Variants in EPHA7 observed in about 807,000 individuals in gnomAD.
The protein encoded by EPHA7 is EPH receptor A7.
EPHA7 carries 25 observed loss-of-function variants against 112.6 expected under a neutral mutation model. The ratio of observed to expected loss-of-function variants is 0.22; its 90% CI spans 0.16 to 0.31. The LOEUF is 0.31. Ranked by LOEUF, EPHA7 falls within the 10% of genes least tolerant of loss-of-function variation. The pLI is 1.00. For missense variants in EPHA7, 962 were observed against 1,212.6 expected (o/e 0.79, Z 3.07); for synonymous variants, 437 against 406.5 (o/e 1.07, Z -0.90).
At chr6:93,337,915 C>T (rs760359986) in intron 5 of EPHA7, among the ~76,000 whole-genome samples, 9 of 151,676 alleles carry the variant, frequency 5.9e-5, no homozygotes, top group Non-Finnish European at 1.3e-4. Flanking sequence ...TCCTTACCAC[C>T]AAAACAAACA....
In EPHA7 at chr6:93,273,588, C is replaced by T. The variant is rs1190065413; in HGVS notation, c.1325-1166G>A. On this transcript the variant is annotated intron_variant, in intron 5 of 16. Coordinates refer to ENST00000369303, the MANE Select transcript of EPHA7 (RefSeq NM_004440.4). Reference sequence around the variant, plus strand: ...AAGGAAGGACATGGAAGATACATGACTCTCATTTCCTCCCAGATTACTAAC... The same window carrying T: ...AAGGAAGGACATGGAAGATACATGATTCTCATTTCCTCCCAGATTACTAAC... Among the ~76,000 whole-genome samples, 7 of 151,916 alleles carry T rather than the reference C, an allele frequency of 4.6e-5. No individual in the cohort carries two copies. The East Asian group carries it at 1.4e-3, about 29-fold the overall frequency.
chr6:93,335,689 A>C (rs979888871), intron 5 of EPHA7, among the ~76,000 whole-genome samples: 37 of 151,932 alleles, frequency 2.4e-4, no homozygotes, highest in African/African-American at 7.3e-4. Flanking sequence ...ATTCCTATCT[A>C]TCTATAACAA....
chr6:93,333,162 T>G (rs1402759310), intron 5 of EPHA7, among the ~76,000 whole-genome samples: 1 of 151,804 alleles, frequency 6.6e-6, no homozygotes, highest in East Asian at 1.9e-4. Context: ...TGCATTAATT[T>G]GTTTAGGATT....
rs1219596340 is a variant in EPHA7 at position 93,243,473 on chromosome 6, T to C, written c.2950A>G (p.Met984Val). 10 of 1,613,576 alleles carry C rather than the reference T, an allele frequency of 6.2e-6. No individual in the cohort carries two copies. The highest frequency in any genetic ancestry group is 1.7e-4 in the Middle Eastern group (1 of 6,058). Residue 984 changes from methionine (M) to valine (V), a missense_variant, in exon 17 of 17, where the codon ATG becomes GTG. Met to Val is a conservative substitution (Grantham distance 21). Around this residue, in one of 3 missense-constraint regions of EPHA7, gnomAD observed 746 missense variants for 889.2 expected, o/e 0.84. Transcript: ENST00000369303. ...TGTAAATGTAGCATTTGTGCTCTCA[T>C]AGTCTGAATGCTGCTCATGATTTTC... is the stretch of plus-strand genomic sequence containing the variant. ...QKKIMSSIQT[M>V]RAQMLHLHGT... is the part of the protein sequence containing the mutation.
intron 5 of EPHA7, among the ~76,000 whole-genome samples, chr6:93,317,650 CT>C (rs1422512813): frequency 2.6e-5 from 4 of 152,138 alleles, no homozygotes; most frequent in African/African-American, 7.2e-5. Context: ...CAGATATTAA[CT>C]GCTTGAGCAG....
chr6:93,408,815 G>A (rs574992947), intron 3 of EPHA7, among the ~76,000 whole-genome samples: 3 of 152,146 alleles, frequency 2.0e-5, no homozygotes, highest in Admixed American at 1.3e-4. Context: ...CACAATGTGA[G>A]CCACAAATGC....
intron 3 of EPHA7, among the ~76,000 whole-genome samples, chr6:93,371,151 G>A (rs1158193869): frequency 6.6e-6 from 1 of 150,852 alleles, no homozygotes; most frequent in Admixed American, 6.6e-5. Context: ...GCGACAGAGT[G>A]AGACTCTGTC....
intron 5 of EPHA7, among the ~76,000 whole-genome samples, chr6:93,351,116 T>C (rs1049566644): frequency 6.6e-6 from 1 of 152,034 alleles, no homozygotes; most frequent in Non-Finnish European, 1.5e-5. Context: ...CAGGCCTCAG[T>C]TCCCTGCCTC....
At position 93,272,337 on chromosome 6, in the gene EPHA7, A is replaced by G. The variant is rs1288424226; in HGVS notation, c.1410T>C (p.Asn470=). The G allele has an allele frequency of 1.4e-5, 22 of 1,612,052 alleles. No individual in the cohort carries two copies. The highest frequency in any genetic ancestry group is 1.6e-4 in the Middle Eastern group (1 of 6,064). The change falls in exon 6 of 17, where the codon AAT becomes AAC. Residue 470 remains asparagine (N), a synonymous_variant. Coordinates refer to ENST00000369303, the MANE Select transcript of EPHA7 (RefSeq NM_004440.4). ...ELSWQEPEHP[N]GVITEYEIKY... ...TGATTTCATATTCTGTGATGACTCC[A>G]TTGGGATGCTCTGGTTCCTGCCAGG...
intron 5 of EPHA7, among the ~76,000 whole-genome samples, chr6:93,332,989 T>A (rs1774673355): frequency 6.6e-6 from 1 of 151,756 alleles, no homozygotes; most frequent in African/African-American, 2.4e-5. Flanking sequence ...ACCCAGGTAA[T>A]AAGCATAGTA....
chr6:93,280,297 T>C (rs1771668818), intron 5 of EPHA7, among the ~76,000 whole-genome samples: 1 of 152,174 alleles, frequency 6.6e-6, no homozygotes, highest in Admixed American at 6.5e-5. Context: ...TATATAGCCA[T>C]GCACTTAAAC....
chr6:93,416,529 C>T (rs1365078777), intron 1 of EPHA7, among the ~76,000 whole-genome samples: 1 of 152,194 alleles, frequency 6.6e-6, no homozygotes, highest in Non-Finnish European at 1.5e-5. Flanking sequence ...GAGAAACAAA[C>T]TAACAAATTA....
At position 93,245,413 on chromosome 6, in the gene EPHA7, T is replaced by A. The variant is rs139990635; in HGVS notation, c.2767A>T (p.Thr923Ser). 1.9e-6 allele frequency: 3 copies of A among 1,613,674 alleles called. No individual in the cohort carries two copies. In the African/African-American group the frequency reaches 4.0e-5, roughly 22 times the overall value. Reference sequence around the variant, plus strand: ...CATTCTCCAACTGAACAAAAGGTAGTGAAATCAGGAGTGTTTTGATCCAGA... The same window carrying A: ...CATTCTCCAACTGAACAAAAGGTAGAGAAATCAGGAGTGTTTTGATCCAGA... ...PLLDQNTPDF[T>S]TFCSVGEWLQ... The change falls in exon 16 of 17, where the codon ACT becomes TCT. Residue 923 changes from threonine to serine, a missense_variant. Thr to Ser is a moderately conservative substitution (Grantham distance 58). Transcript: ENST00000369303.
At chr6:93,319,161 C>T (rs945103853) in intron 5 of EPHA7, among the ~76,000 whole-genome samples, 4 of 151,954 alleles carry the variant, frequency 2.6e-5, no homozygotes, top group African/African-American at 9.7e-5. Flanking sequence ...ATAAATTTAA[C>T]AACTAAGGAA....
At chr6:93,252,943 CA>C (rs1314351498) in intron 14 of EPHA7, among the ~76,000 whole-genome samples, 1 of 151,722 alleles carries the variant, frequency 6.6e-6, no homozygotes, top group African/African-American at 2.4e-5. Context: ...TTAAGAAAAA[CA>C]AAAAACAATA....
At chr6:93,346,372 C>T (rs1473895448) in intron 5 of EPHA7, among the ~76,000 whole-genome samples, 1 of 151,720 alleles carries the variant, frequency 6.6e-6, no homozygotes, top group Non-Finnish European at 1.5e-5. Flanking sequence ...GAGAAATGGG[C>T]ACGATAGCTA....
chr6:93,255,592 A>ACT (rs1225803870), intron 13 of EPHA7, among the ~76,000 whole-genome samples: 3 of 151,932 alleles, frequency 2.0e-5, no homozygotes, highest in African/African-American at 7.3e-5. Context: ...ATATTCTATG[A>ACT]CTCTCCCAAT....
At chr6:93,263,705 T>C (rs925324875) in intron 9 of EPHA7, among the ~76,000 whole-genome samples, 155 bp downstream of exon 9, 7 of 151,522 alleles carry the variant, frequency 4.6e-5, no homozygotes, top group African/African-American at 1.5e-4. Context: ...ATGATTTTAA[T>C]TCTAAACATC....
rs746058123 is a variant in EPHA7 at position 93,255,899 on chromosome 6, C to T, written c.2311G>A (p.Val771Ile). Reference protein sequence around the residue: ...ARNILVNSNLVCKVSDFGLSR... With the variant: ...ARNILVNSNLICKVSDFGLSR... ...AGGCCAAAATCTGACACTTTACAAACGAGATTGCTGTTGACAAGAATATTG... is the reference window on the plus strand; with the variant it reads ...AGGCCAAAATCTGACACTTTACAAATGAGATTGCTGTTGACAAGAATATTG... The change falls in exon 13 of 17, where the codon GTT (valine) becomes ATT (isoleucine). Residue 771 changes from valine (V) to isoleucine (I), a missense_variant. Physicochemically the swap from Val to Ile is conservative, Grantham distance 29. Around this residue, in one of 3 missense-constraint regions of EPHA7, gnomAD observed 746 missense variants for 889.2 expected, o/e 0.84. Transcript: ENST00000369303. 6.2e-6 allele frequency: 10 copies of T among 1,614,060 alleles called. No homozygotes were observed. Among genetic ancestry groups the T allele is most frequent in the South Asian group, 2.2e-5 (2 of 91,084 alleles).
Sources: allele counts gnomAD v4.1 joint callset (sites outside exome capture counted in the v4.1 genomes callset), GRCh38; gene constraint gnomAD v4.1.1; regional missense constraint gnomAD v4.1.1; transcripts MANE v1.5; gene names NCBI Gene and HGNC (gene_info 2026-07-23, HGNC 2026-07-21).